The following LRP6 variants were observed in gnomAD, a reference collection of about 807,000 sequenced individuals.
The protein encoded by LRP6 is LDL receptor related protein 6.
Under a neutral mutation model 184.1 loss-of-function variants are expected in LRP6, and 43 were observed. The ratio of observed to expected loss-of-function variants is 0.23; its 90% CI spans 0.18 to 0.30. The LOEUF is 0.30. Among genes scored for constraint, LRP6 ranks in the 10% least tolerant of loss-of-function variants. The pLI, the probability that LRP6 is intolerant of heterozygous loss-of-function variation, is 1.00. For synonymous variants in LRP6, 719 were observed against 684.9 expected, an observed-to-expected ratio of 1.05 and a Z score of -0.78; for missense variants, 1,571 against 2,005.3, an observed-to-expected ratio of 0.78 and a Z score of 4.14.
intron 7 of LRP6, among the ~76,000 whole-genome samples, chr12:12,170,734 G>T (rs1863011840): frequency 6.7e-6 from 1 of 149,046 alleles, no homozygotes; most frequent in African/African-American, 2.5e-5. Context: ...CTTTTATTTG[G>T]TCTTTCTTTC....
At chr12:12,182,836 C>T (rs1051015770) in intron 5 of LRP6, among the ~76,000 whole-genome samples, 2 of 152,164 alleles carry the variant, frequency 1.3e-5, no homozygotes, top group Admixed American at 1.3e-4. Flanking sequence ...CAAAACAGAA[C>T]AGTTAACTTA....
At chr12:12,246,481 G>A (rs956796409) in intron 1 of LRP6, among the ~76,000 whole-genome samples, 7 of 151,668 alleles carry the variant, frequency 4.6e-5, no homozygotes, top group East Asian at 2.0e-4. Context: ...GGTTAAGCCC[G>A]GGAGTTCAAG....
intron 2 of LRP6, among the ~76,000 whole-genome samples, chr12:12,232,192 G>A (rs1864808493): frequency 6.6e-6 from 1 of 151,642 alleles, no homozygotes; most frequent in Non-Finnish European, 1.5e-5. Context: ...GACCATCCTG[G>A]CTAACATGGT....
intron 1 of LRP6, among the ~76,000 whole-genome samples, chr12:12,257,777 T>A (rs1317519530): frequency 4.0e-4 from 2 of 5,016 alleles, no homozygotes; most frequent in Non-Finnish European, 1.1e-3. Flanking sequence ...ACCCTGTCTC[T>A]ACAAAAAAAA....
At chr12:12,176,757 T>C (rs1470348962) in intron 7 of LRP6, among the ~76,000 whole-genome samples, 2 of 152,120 alleles carry the variant, frequency 1.3e-5, no homozygotes, top group East Asian at 3.8e-4. Flanking sequence ...TACTATGTCT[T>C]ACCTTGCTAT....
chr12:12,225,738 G>A (rs1489796286), intron 2 of LRP6, among the ~76,000 whole-genome samples: 1 of 152,020 alleles, frequency 6.6e-6, no homozygotes, highest in African/African-American at 2.4e-5. Flanking sequence ...TGGGCATGGT[G>A]GAGGACACCT....
At chr12:12,241,644 TCTCTCCCCTA>T (rs1865068306) in intron 2 of LRP6, among the ~76,000 whole-genome samples, 1 of 152,060 alleles carries the variant, frequency 6.6e-6, no homozygotes, top group Non-Finnish European at 1.5e-5. Flanking sequence ...TTACCCGCTC[TCTCTCCCCTA>T]CTCTCCCCTC....
chr12:12,264,028 A>C (rs556756529), intron 1 of LRP6, among the ~76,000 whole-genome samples: 19 of 151,948 alleles, frequency 1.3e-4, no homozygotes, highest in African/African-American at 4.6e-4. Context: ...TATAGTTCAG[A>C]GCTTTGGGAG....
In LRP6 at chr12:12,204,364, T is replaced by C. The variant is rs569448465; in HGVS notation, c.450-964A>G. Among the ~76,000 whole-genome samples, 5 of 149,882 alleles carry C rather than the reference T, an allele frequency of 3.3e-5. No homozygotes were observed. In the South Asian group the frequency reaches 1.1e-3, roughly 32 times the overall value. ...AAAGAGATATGATAACTACATCAAG[T>C]GTATGATCTTGGACTGATGAAGTAG... On this transcript the variant is annotated intron_variant, in intron 2 of 22. Transcript: ENST00000261349.
chr12:12,122,305 C>T (rs890582180), intron 22 of LRP6, among the ~76,000 whole-genome samples: 1 of 152,148 alleles, frequency 6.6e-6, no homozygotes, highest in Non-Finnish European at 1.5e-5. Flanking sequence ...ACTTCTTATA[C>T]CTGTTTATTC....
chr12:12,146,878 C>T (rs1302315940), intron 15 of LRP6, among the ~76,000 whole-genome samples: 2 of 152,146 alleles, frequency 1.3e-5, no homozygotes, highest in Non-Finnish European at 2.9e-5. Context: ...TTACGCCGGG[C>T]GCGGTGGCTT....
At chr12:12,263,311 C>CA (rs1708045263) in intron 1 of LRP6, among the ~76,000 whole-genome samples, 1 of 149,208 alleles carries the variant, frequency 6.7e-6, no homozygotes, top group South Asian at 2.1e-4. Flanking sequence ...CGTGGTGGCT[C>CA]ACGCCTGTAA....
At chr12:12,175,469 C>T (rs1261878562) in intron 7 of LRP6, among the ~76,000 whole-genome samples, 1 of 150,964 alleles carries the variant, frequency 6.6e-6, no homozygotes, top group Non-Finnish European at 1.5e-5. Flanking sequence ...GCACGCAGCT[C>T]CAGGTCAGGA....
intron 2 of LRP6, among the ~76,000 whole-genome samples, chr12:12,210,183 A>C (rs890584530): frequency 5.3e-5 from 8 of 152,204 alleles, no homozygotes; most frequent in African/African-American, 1.9e-4. Flanking sequence ...GAGGAAGAAG[A>C]AACAAGAAAA....
In LRP6 at chr12:12,117,754, C is replaced by T. The variant is rs951156417; in HGVS notation, c.*3372G>A. 1.3e-5 allele frequency: 2 copies of T among 152,074 alleles called. No homozygotes were observed. Among genetic ancestry groups the T allele is most frequent in the African/African-American group, 4.8e-5 (2 of 41,412 alleles). 9.4% of individuals were successfully genotyped at this position (152,074 alleles called of 1,614,324 possible). On this transcript the variant is annotated 3_prime_UTR_variant, in exon 23 of 23. Transcript: ENST00000261349. The stretch of plus-strand genomic sequence containing the variant: ...ATTCTTCATTAATAGGGCTTTATAG[C>T]AAAAGAAAAAGATGATCCTCCAAAA...
At chr12:12,192,706 C>G (rs969460786) in intron 3 of LRP6, among the ~76,000 whole-genome samples, 27 of 151,910 alleles carry the variant, frequency 1.8e-4, no homozygotes, top group African/African-American at 5.8e-4. Flanking sequence ...TAGAAACATA[C>G]AGGTACCTAA....
At chr12:12,249,606 AT>A (rs1865271991) in intron 1 of LRP6, among the ~76,000 whole-genome samples, 1 of 152,106 alleles carries the variant, frequency 6.6e-6, no homozygotes. Flanking sequence ...TTCAAAGGAA[AT>A]TTATCTTAAG....
At chr12:12,129,380 T>G (rs905108572) in intron 19 of LRP6, among the ~76,000 whole-genome samples, 1 of 152,182 alleles carries the variant, frequency 6.6e-6, no homozygotes, top group Non-Finnish European at 1.5e-5. Flanking sequence ...CTATGTTATC[T>G]CTTGCTGACA....
chr12:12,220,892 G>A (rs935872592), intron 2 of LRP6, among the ~76,000 whole-genome samples: 28 of 152,100 alleles, frequency 1.8e-4, no homozygotes, highest in Admixed American at 6.5e-4. Flanking sequence ...GAGCCACCAC[G>A]CCCAGCCTAA....
Sources: gnomAD v4.1 joint callset for allele counts (sites outside exome capture counted in the v4.1 genomes callset) on GRCh38, gnomAD v4.1.1 for gene constraint, MANE v1.5 for transcripts, NCBI Gene and HGNC (gene_info 2026-07-23, HGNC 2026-07-21) for gene names.